CEP120: variants seen among roughly 807,000 people sequenced by gnomAD.
The protein encoded by CEP120 is centrosomal protein of 120 kDa.
A neutral mutation model predicts 126.5 loss-of-function variants in CEP120; 113 were observed. The ratio of observed to expected loss-of-function variants is 0.89; its 90% confidence interval spans 0.77 to 1.04. The LOEUF (loss-of-function observed/expected upper bound fraction) is 1.04. Among genes scored for constraint, CEP120 ranks in the 50% least tolerant of loss-of-function variants. CEP120 has a pLI of 0.00. For synonymous variants in CEP120, 400 were observed against 394.3 expected (o/e 1.01, Z -0.17); for missense variants, 1,230 against 1,155.7 (o/e 1.06, Z -0.93).
chr5:123,410,237 A>C (rs1333004281), intron 4 of CEP120, among the ~76,000 whole-genome samples: 3 of 152,228 alleles, frequency 2.0e-5, no homozygotes, highest in African/African-American at 7.2e-5. Context: ...TGTTCACAGA[A>C]GACTCAATAT....
At chr5:123,386,839 C>T (rs770104267) in intron 9 of CEP120, among the ~76,000 whole-genome samples, 172 bp from the exon 10 acceptor site, 12 of 152,222 alleles carry the variant, frequency 7.9e-5, no homozygotes, top group Admixed American at 3.9e-4. Flanking sequence ...AGTTCCTTGA[C>T]GGCACATGTC....
At chr5:123,355,343 T>C (rs562985579) in intron 18 of CEP120, among the ~76,000 whole-genome samples, 338 of 152,246 alleles carry the variant, frequency 2.2e-3, no homozygotes, top group African/African-American at 7.7e-3. Context: ...TAGTTCCAGA[T>C]CCCTGAGGAA....
intron 14 of CEP120, 140 bp from the exon 15 acceptor site, chr5:123,378,568 T>C (rs909105297): frequency 1.0e-5 from 5 of 489,186 alleles, no homozygotes; most frequent in Non-Finnish European, 1.8e-5. Context: ...ATCCGCCAAT[T>C]CAAAGAAAAA....
intron 18 of CEP120, among the ~76,000 whole-genome samples, chr5:123,354,006 ATATT>A (rs1253118765): frequency 6.6e-6 from 1 of 152,066 alleles, no homozygotes; most frequent in African/African-American, 2.4e-5. Flanking sequence ...TTTGAAAGGA[ATATT>A]TAGAGAGCAG....
chr5:123,367,068 T>G (rs1428390), intron 17 of CEP120, among the ~76,000 whole-genome samples: 108,226 of 151,338 alleles, frequency 0.72, 38,832 homozygotes, highest in African/African-American at 0.75. Context: ...ATCACATTCC[T>G]TGGTGTTTGA....
At chr5:123,359,078 C>A (rs888899220) in intron 18 of CEP120, among the ~76,000 whole-genome samples, 2 of 152,022 alleles carry the variant, frequency 1.3e-5, no homozygotes, top group African/African-American at 4.8e-5. Flanking sequence ...CCATGCTTGG[C>A]TAAATTACTT....
At chr5:123,414,156 C>T (rs550058440) in intron 3 of CEP120, among the ~76,000 whole-genome samples, 37 of 152,248 alleles carry the variant, frequency 2.4e-4, no homozygotes, top group African/African-American at 8.7e-4. Context: ...CCCTCAGATA[C>T]CCCCCTAAGA....
In CEP120 at chr5:123,391,182, T is replaced by G. The variant is rs1477221302; in HGVS notation, c.966A>C (p.Ala322=). The G allele has an allele frequency of 1.9e-6, 3 of 1,613,974 alleles. No individual in the cohort carries two copies. The highest frequency in any genetic ancestry group is 2.5e-6 in the Non-Finnish European group (3 of 1,180,040). The change falls in exon 7 of 20, where the codon GCA becomes GCC. Residue 322 remains alanine, a synonymous_variant. Coordinates refer to ENST00000306467, the MANE Select transcript of CEP120 (RefSeq NM_001375405.1). The part of the protein sequence containing the change: ...DPPNRAKQKL[A]PIPVELAPTV... ...TTGGGGCTAGCTCCACAGGAATAGG[T>G]GCAAGCTTCTGTTTGGCTCTGTTTG...
At chr5:123,421,642 T>G (rs2127147512) in intron 1 of CEP120, among the ~76,000 whole-genome samples, 1 of 132,744 alleles carries the variant, frequency 7.5e-6, no homozygotes, top group Admixed American at 8.0e-5. Context: ...ATATCACATA[T>G]TTTAAATATT....
At chr5:123,393,154 T>A in intron 6 of CEP120, 146 bp downstream of exon 6, 2 of 711,380 alleles carry the variant, frequency 2.8e-6, no homozygotes, top group African/African-American at 1.8e-5. Context: ...GGATAGTACC[T>A]AAAAAAATTA....
chr5:123,416,535 C>T (rs1413861091), intron 2 of CEP120, among the ~76,000 whole-genome samples: 2 of 152,106 alleles, frequency 1.3e-5, no homozygotes, highest in African/African-American at 4.8e-5. Flanking sequence ...CGCGCCACTA[C>T]ACTCCAGCCT....
At position 123,423,016 on chromosome 5, in the gene CEP120, CG is replaced by C. The variant is rs772679827; in HGVS notation, c.-19del. The C allele has an allele frequency of 6.2e-7, 1 of 1,613,258 alleles. No homozygotes were observed. The highest frequency in any genetic ancestry group is 1.1e-5 in the South Asian group (1 of 91,066). ...GAGACCATGGTTGCGGTGAGCGGTC[CG>C]GGGGCGAAGGCGGCTGGGGGGAAGT... is the stretch of plus-strand genomic sequence containing the variant. On this transcript the variant is annotated 5_prime_UTR_variant, in exon 1 of 20. Coordinates refer to ENST00000306467, the MANE Select transcript of CEP120 (RefSeq NM_001375405.1).
intron 6 of CEP120, among the ~76,000 whole-genome samples, chr5:123,392,364 T>C (rs1013536186): frequency 2.0e-5 from 3 of 152,234 alleles, no homozygotes; most frequent in South Asian, 2.1e-4. Flanking sequence ...TTAGTTCTAC[T>C]AAAATTTCCT....
intron 2 of CEP120, among the ~76,000 whole-genome samples, 159 bp from the exon 3 acceptor site, chr5:123,416,283 C>T (rs1438024551): frequency 2.6e-5 from 4 of 152,112 alleles, no homozygotes; most frequent in Non-Finnish European, 5.9e-5. Flanking sequence ...AAGAACTAGG[C>T]CAGGCGCAAT....
In CEP120 at chr5:123,377,385, G is replaced by A. The variant is rs1249074092; in HGVS notation, c.2347C>T (p.Leu783Phe). ...IKQLEEDKHR[L>F]QQQLNDAENK... ...GTACGTTATCCAACCTGTTGCTGAA[G>A]GCGGTGTTTATCCTCTTCGAGCTGT... The change falls in exon 16 of 20, where the codon CTT (leucine) becomes TTT (phenylalanine). Residue 783 changes from leucine (L) to phenylalanine (F), a missense_variant. Leu to Phe is a conservative substitution (Grantham distance 22, BLOSUM62 0). Coordinates refer to ENST00000306467, the MANE Select transcript of CEP120 (RefSeq NM_001375405.1). 1.2e-6 allele frequency: 2 copies of A among 1,607,456 alleles called. No homozygotes were observed. The highest frequency in any genetic ancestry group is 1.3e-5 in the African/African-American group (1 of 74,496).
rs200504633 is a variant in CEP120 at position 123,370,680 on chromosome 5, T to TGA, written c.2481+1969_2481+1970insTC. ...TGTTATATATACATATATGTGTGTG[T>TGA]GTGTGTATATATATATACACATATA... On this transcript the variant is annotated intron_variant, in intron 17 of 19. Coordinates refer to ENST00000306467, the MANE Select transcript of CEP120 (RefSeq NM_001375405.1). Among the ~76,000 whole-genome samples the TGA allele has an allele frequency of 5.7e-3, 542 of 95,342 alleles. 3 individuals carry two copies. Among genetic ancestry groups the TGA allele is most frequent in the African/African-American group, 0.018 (523 of 29,804 alleles). 62.5% of individuals were successfully genotyped at this position (95,342 alleles called of 152,430 possible).
intron 1 of CEP120, 109 bp from the exon 2 acceptor site, chr5:123,418,624 T>A: frequency 6.7e-5 from 56 of 840,686 alleles, no homozygotes; most frequent in Non-Finnish European, 9.7e-5. Flanking sequence ...TGAGATGGAG[T>A]CTTACTCTGT....
At chr5:123,415,135 C>A (rs1368480980) in intron 3 of CEP120, among the ~76,000 whole-genome samples, 1 of 152,066 alleles carries the variant, frequency 6.6e-6, no homozygotes, top group Admixed American at 6.6e-5. Context: ...TCAATAAGTT[C>A]ACTTGCTCTG....
Position 123,377,454 on chromosome 5 carries a change from C to T in CEP120, c.2278G>A (p.Glu760Lys). 6.2e-7 allele frequency: 1 copy of T among 1,611,866 alleles called. No individual in the cohort carries two copies. The highest frequency in any genetic ancestry group is 8.5e-7 in the Non-Finnish European group (1 of 1,179,296). The change falls in exon 16 of 20, where the codon GAG becomes AAG. Residue 760 changes from glutamate to lysine, a missense_variant. By Grantham distance (56) the Glu-to-Lys change is moderately conservative (BLOSUM62 1). Transcript: ENST00000306467. Reference sequence around the variant, plus strand: ...AGTTCTACTTGGTGAATACAGTCCTCTTTGGCCCTACGGATAGAGTCCTGC... The same window carrying T: ...AGTTCTACTTGGTGAATACAGTCCTTTTTGGCCCTACGGATAGAGTCCTGC... ...ELQDSIRRAK[E>K]DCIHQVELER...
Sources: allele counts gnomAD v4.1 joint callset (sites outside exome capture counted in the v4.1 genomes callset), GRCh38; gene constraint gnomAD v4.1.1; transcripts MANE v1.5; gene names NCBI Gene and HGNC (gene_info 2026-07-23, HGNC 2026-07-21).